The following PCDH9 variants were observed in gnomAD, a reference collection of about 807,000 sequenced individuals.
PCDH9 encodes the protein protocadherin 9.
PCDH9 carries 24 observed loss-of-function variants against 70.6 expected under a neutral mutation model. The observed-to-expected ratio is 0.34, with a 90% CI of 0.25 to 0.48. The LOEUF (loss-of-function observed/expected upper bound fraction) is 0.48. Ranked by LOEUF, PCDH9 falls within the 20% of genes least tolerant of loss-of-function variation. The pLI, the probability that PCDH9 is intolerant of heterozygous loss-of-function variation, is 0.99. For missense variants in PCDH9, 1,281 were observed against 1,503.6 expected, an observed-to-expected ratio of 0.85 and a Z score of 2.45; for synonymous variants, 562 against 558.5, an observed-to-expected ratio of 1.01 and a Z score of -0.09.
chr13:66,801,982 G>A (rs1344363033), intron 3 of PCDH9, among the ~76,000 whole-genome samples: 1 of 140,562 alleles, frequency 7.1e-6, no homozygotes, highest in African/African-American at 2.5e-5. Flanking sequence ...ATTGCATGTA[G>A]ACCAGGTGTT....
Position 66,461,877 on chromosome 13 carries a change from T to C in PCDH9, c.3341-156849A>G, listed in dbSNP as rs187663947. 1.4e-3 allele frequency among the ~76,000 whole-genome samples: 208 copies of C among 151,966 alleles called. 1 individual carries two copies. Among genetic ancestry groups the C allele is most frequent in the Non-Finnish European group, 3.7e-4 (25 of 67,828 alleles). On this transcript the variant is annotated intron_variant, in intron 4 of 4. Coordinates refer to ENST00000377865, the MANE Select transcript of PCDH9 (RefSeq NM_203487.3). The stretch of plus-strand genomic sequence containing the variant: ...GACTATATTGGATTATTATCTATCA[T>C]ACAAATGAATAGATGTTAATGTCAA...
At chr13:67,087,029 C>T (rs1439366122) in intron 2 of PCDH9, among the ~76,000 whole-genome samples, 3 of 139,222 alleles carry the variant, frequency 2.2e-5, no homozygotes. Flanking sequence ...GTTAGTTTTA[C>T]TGTTTGTTCA....
intron 3 of PCDH9, among the ~76,000 whole-genome samples, chr13:66,785,990 G>C (rs79384719): frequency 6.6e-6 from 1 of 152,026 alleles, no homozygotes; most frequent in Non-Finnish European, 1.5e-5. Context: ...CCTATAGAGC[G>C]CTGCCCAGCA....
intron 4 of PCDH9, among the ~76,000 whole-genome samples, chr13:66,598,547 T>G (rs189119273): frequency 3.0e-4 from 46 of 151,940 alleles, no homozygotes; most frequent in Non-Finnish European, 4.0e-4. Flanking sequence ...CCTTGATTTA[T>G]GCAACAAGTT....
intron 3 of PCDH9, among the ~76,000 whole-genome samples, chr13:66,791,542 G>T (rs1304452682): frequency 6.6e-6 from 1 of 151,882 alleles, no homozygotes; most frequent in Non-Finnish European, 1.5e-5. Flanking sequence ...AGTAATTGTG[G>T]TTTTTGCCAA....
intron 3 of PCDH9, among the ~76,000 whole-genome samples, chr13:66,825,548 G>C (rs1427168623): frequency 6.6e-6 from 1 of 151,286 alleles, no homozygotes; most frequent in Non-Finnish European, 1.5e-5. Context: ...TGTTAGCCAG[G>C]ATGGTCTCGA....
chr13:67,136,384 T>G (rs1002906026), intron 2 of PCDH9, among the ~76,000 whole-genome samples: 5 of 152,176 alleles, frequency 3.3e-5, no homozygotes, highest in Non-Finnish European at 7.3e-5. Flanking sequence ...GACGCATGAC[T>G]GTGTAAGTGA....
Position 66,491,479 on chromosome 13 carries a change from C to T in PCDH9, c.3340+139731G>A, listed in dbSNP as rs535546447. On this transcript the variant is annotated intron_variant, in intron 4 of 4. Coordinates refer to ENST00000377865, the MANE Select transcript of PCDH9 (RefSeq NM_203487.3). ...TGAGGAACTACAGTACTGTGATCAGCGAGGAATGTAAATATCCCATATTAG... is the reference window on the plus strand; with the variant it reads ...TGAGGAACTACAGTACTGTGATCAGTGAGGAATGTAAATATCCCATATTAG... Among the ~76,000 whole-genome samples the T allele has an allele frequency of 4.0e-4, 60 of 150,338 alleles. 1 individual carries two copies. The South Asian group carries it at 0.012, about 31-fold the overall frequency.
chr13:67,079,004 G>A (rs1336389978), intron 2 of PCDH9, among the ~76,000 whole-genome samples: 1 of 151,994 alleles, frequency 6.6e-6, no homozygotes, highest in African/African-American at 2.4e-5. Context: ...AGAGTCATGG[G>A]TGGTTAAAGA....
chr13:66,511,861 C>T (rs867079891), intron 4 of PCDH9, among the ~76,000 whole-genome samples: 2 of 152,100 alleles, frequency 1.3e-5, no homozygotes, highest in African/African-American at 2.4e-5. Context: ...AGCTGCTATG[C>T]TTCCTGTGCA....
intron 4 of PCDH9, among the ~76,000 whole-genome samples, chr13:66,444,750 G>A (rs1958039389): frequency 2.0e-5 from 3 of 151,754 alleles, no homozygotes; most frequent in Admixed American, 2.0e-4. Context: ...TAGTAGAGAC[G>A]GGGTTTCACC....
intron 2 of PCDH9, among the ~76,000 whole-genome samples, chr13:67,042,815 G>A (rs897590146): frequency 6.6e-6 from 1 of 152,088 alleles, no homozygotes; most frequent in Non-Finnish European, 1.5e-5. Context: ...GATGTTCTAA[G>A]CGAAACATGG....
chr13:66,905,030 G>T (rs917188854), intron 2 of PCDH9, among the ~76,000 whole-genome samples: 1 of 151,830 alleles, frequency 6.6e-6, no homozygotes, highest in Non-Finnish European at 1.5e-5. Context: ...TCAACAAATG[G>T]TGATTGCCAT....
rs1555285922 is a variant in PCDH9, at chr13:66,371,284, T to A, written c.3341-66256A>T. ...AATCAACATGGGAAAAGTGAGGGAA[T>A]TAGCTTGGTGACTTTCCAGTTAACC... On this transcript the variant is annotated intron_variant, in intron 4 of 4. Transcript: ENST00000377865. Among the ~76,000 whole-genome samples, 2 of 152,110 alleles carry A rather than the reference T, an allele frequency of 1.3e-5. 1 individual carries two copies. Among genetic ancestry groups the A allele is most frequent in the Non-Finnish European group, 2.9e-5 (2 of 67,996 alleles).
intron 3 of PCDH9, among the ~76,000 whole-genome samples, chr13:66,899,757 A>G (rs1326375334): frequency 1.3e-5 from 2 of 151,920 alleles, no homozygotes; most frequent in Non-Finnish European, 2.9e-5. Context: ...AACAATGTGC[A>G]CTTTTTTATT....
intron 4 of PCDH9, among the ~76,000 whole-genome samples, chr13:66,403,747 G>A (rs1957230588): frequency 6.6e-6 from 1 of 152,116 alleles, no homozygotes; most frequent in African/African-American, 2.4e-5. Context: ...TATAGCCTTT[G>A]AGTTGTCATC....
At chr13:67,214,149 A>G (rs1256550802) in intron 2 of PCDH9, 3 of 152,230 alleles carry the variant, frequency 2.0e-5, no homozygotes, top group African/African-American at 4.8e-5. Context: ...ACATACTCAA[A>G]CATTACAAAC....
At chr13:66,490,374 T>C (rs1291460080) in intron 4 of PCDH9, among the ~76,000 whole-genome samples, 1 of 152,182 alleles carries the variant, frequency 6.6e-6, no homozygotes, top group Middle Eastern at 3.2e-3. Context: ...CCGGTCGGCT[T>C]CATGTGGTGC....
At chr13:66,497,926 T>G (rs1371873816) in intron 4 of PCDH9, among the ~76,000 whole-genome samples, 1 of 150,852 alleles carries the variant, frequency 6.6e-6, no homozygotes, top group East Asian at 2.0e-4. Context: ...TCAAGTGACT[T>G]TCGTGCCTCA....
Sources: allele counts gnomAD v4.1 joint callset (sites outside exome capture counted in the v4.1 genomes callset), GRCh38; gene constraint gnomAD v4.1.1; transcripts MANE v1.5; gene names NCBI Gene and HGNC (gene_info 2026-07-23, HGNC 2026-07-21).